The following COL5A2 variants were observed in gnomAD, a reference collection of about 807,000 sequenced individuals.
COL5A2 encodes the protein collagen type V alpha 2 chain.
A neutral mutation model predicts 208.2 loss-of-function variants in COL5A2; 23 were observed. That is an observed-to-expected ratio of 0.11 (90% CI 0.08 to 0.16). The LOEUF (loss-of-function observed/expected upper bound fraction) is 0.16, where lower values mean the gene tolerates loss of function less well. Among genes scored for constraint, COL5A2 ranks in the 10% least tolerant of loss-of-function variants. The pLI is 1.00. For synonymous variants in COL5A2, 625 were observed against 628.5 expected (o/e 0.99, Z 0.08); for missense variants, 1,590 against 1,956.4 (o/e 0.81, Z 3.53).
intron 1 of COL5A2, among the ~76,000 whole-genome samples, chr2:189,222,303 G>C (rs1002550468): frequency 5.9e-5 from 9 of 152,140 alleles, no homozygotes; most frequent in African/African-American, 1.9e-4. Context: ...GTAGGATTGA[G>C]GGTGTGGTCC....
chr2:189,234,264 T>G, the COL5A2 span, among the ~76,000 whole-genome samples: 1 of 151,756 alleles, frequency 6.6e-6, no homozygotes, highest in East Asian at 1.9e-4. Context: ...GTTTTTATAC[T>G]CTGTAATTTT....
intron 6 of COL5A2, among the ~76,000 whole-genome samples, chr2:189,093,833 C>T (rs537068015): frequency 6.6e-6 from 1 of 152,288 alleles, no homozygotes; most frequent in East Asian, 1.9e-4. Context: ...GTAACATGAA[C>T]TGGATATGTA....
chr2:189,234,120 A>C, the COL5A2 span, among the ~76,000 whole-genome samples: 2 of 151,600 alleles, frequency 1.3e-5, no homozygotes, highest in African/African-American at 4.8e-5. Context: ...TATCTTTTAT[A>C]ACATTGATTA....
chr2:189,103,413 A>T (rs1438783001), intron 3 of COL5A2, among the ~76,000 whole-genome samples: 1 of 151,974 alleles, frequency 6.6e-6, no homozygotes, highest in African/African-American at 2.4e-5. Flanking sequence ...CTGTTATCTG[A>T]TAAATCATTT....
the COL5A2 span, among the ~76,000 whole-genome samples, chr2:189,282,538 T>C: frequency 6.6e-6 from 1 of 152,152 alleles, no homozygotes; most frequent in African/African-American, 2.4e-5. Flanking sequence ...AATACTGAAA[T>C]AATAAAACTG....
intron 17 of COL5A2, among the ~76,000 whole-genome samples, chr2:189,072,808 G>T (rs896323090): frequency 6.7e-6 from 1 of 149,296 alleles, no homozygotes; most frequent in Non-Finnish European, 1.5e-5. Context: ...TTTTAGAGAG[G>T]TTTTTCAGGC....
chr2:189,193,707 C>T (rs1688959193), intron 1 of COL5A2, among the ~76,000 whole-genome samples: 2 of 152,168 alleles, frequency 1.3e-5, no homozygotes, highest in Admixed American at 6.5e-5. Flanking sequence ...TACAGTTCTT[C>T]CTGTACTCCA....
At chr2:189,208,265 A>T (rs1049548566) in intron 1 of COL5A2, among the ~76,000 whole-genome samples, 5 of 152,212 alleles carry the variant, frequency 3.3e-5, no homozygotes, top group African/African-American at 1.2e-4. Flanking sequence ...GGAACCAAGG[A>T]TGTTTTGTTC....
the COL5A2 span, among the ~76,000 whole-genome samples, chr2:189,348,958 C>A: frequency 6.6e-6 from 1 of 152,100 alleles, no homozygotes; most frequent in Non-Finnish European, 1.5e-5. Context: ...CTAATCTTCA[C>A]AACATTTTAA....
chr2:189,326,096 C>CAAAAAAAA, the COL5A2 span, among the ~76,000 whole-genome samples: 2 of 96,848 alleles, frequency 2.1e-5, no homozygotes, highest in Admixed American at 1.0e-4. Flanking sequence ...GACCCTGTCT[C>CAAAAAAAA]AAAAAAAAAA....
the COL5A2 span, among the ~76,000 whole-genome samples, chr2:189,396,671 T>TAAAAAA: frequency 9.8e-6 from 1 of 102,428 alleles, no homozygotes; most frequent in Non-Finnish European, 1.9e-5. Context: ...AAGACTCCAT[T>TAAAAAA]AAAAAAAAAA....
chr2:189,238,986 T>C, the COL5A2 span, among the ~76,000 whole-genome samples: 1 of 152,142 alleles, frequency 6.6e-6, no homozygotes, highest in Non-Finnish European at 1.5e-5. Flanking sequence ...AAAATACAAT[T>C]AGGTATTCTT....
chr2:189,093,637 T>G (rs974982331), intron 6 of COL5A2, among the ~76,000 whole-genome samples: 2 of 152,220 alleles, frequency 1.3e-5, no homozygotes, highest in African/African-American at 4.8e-5. Flanking sequence ...ATCTATTAAA[T>G]AGAAGTAGAA....
At chr2:189,067,046 T>C (rs1686170908) in intron 21 of COL5A2, among the ~76,000 whole-genome samples, 1 of 152,190 alleles carries the variant, frequency 6.6e-6, no homozygotes, top group Admixed American at 6.5e-5. Context: ...TTTTATCATG[T>C]GTAGTAGAAT....
the COL5A2 span, among the ~76,000 whole-genome samples, chr2:189,374,308 C>CTT: frequency 5.5e-5 from 8 of 144,664 alleles, no homozygotes; most frequent in African/African-American, 1.5e-4. Flanking sequence ...GTTAGATATC[C>CTT]TTTTTTTTTT....
chr2:189,239,062 A>G, the COL5A2 span, among the ~76,000 whole-genome samples: 1 of 152,180 alleles, frequency 6.6e-6, no homozygotes, highest in East Asian at 1.9e-4. Context: ...TAGCAAAGTC[A>G]TCCCAAATGA....
the COL5A2 span, among the ~76,000 whole-genome samples, chr2:189,277,798 G>C: frequency 6.6e-6 from 1 of 151,974 alleles, no homozygotes; most frequent in Non-Finnish European, 1.5e-5. Flanking sequence ...TGTATTACTT[G>C]ACAAAATACA....
At chr2:189,215,478 A>C (rs1374713705) in intron 1 of COL5A2, among the ~76,000 whole-genome samples, 1 of 152,190 alleles carries the variant, frequency 6.6e-6, no homozygotes, top group Non-Finnish European at 1.5e-5. Flanking sequence ...TATGTTGATT[A>C]CATGTTGAAA....
At chr2:189,396,671 T>C in the COL5A2 span, among the ~76,000 whole-genome samples, 4 of 102,366 alleles carry the variant, frequency 3.9e-5, no homozygotes, top group Non-Finnish European at 5.6e-5. Context: ...AAGACTCCAT[T>C]AAAAAAAAAA....
Sources: gnomAD v4.1 joint callset for allele counts (sites outside exome capture counted in the v4.1 genomes callset) on GRCh38, gnomAD v4.1.1 for gene constraint, MANE v1.5 for transcripts, NCBI Gene and HGNC (gene_info 2026-07-23, HGNC 2026-07-21) for gene names.